Variants in EDN1 observed in about 807,000 individuals in gnomAD.
EDN1 encodes endothelin 1.
EDN1 carries 11 observed loss-of-function variants against 21.7 expected under a neutral mutation model. That is an observed-to-expected ratio of 0.51 (90% CI 0.32 to 0.84). EDN1 has a LOEUF of 0.84. Ranked by LOEUF, EDN1 falls within the 40% of genes least tolerant of loss-of-function variation. The pLI is 0.03. For missense variants in EDN1, 244 were observed against 262.3 expected, an observed-to-expected ratio of 0.93 and a Z score of 0.48; for synonymous variants, 85 against 90.6, an observed-to-expected ratio of 0.94 and a Z score of 0.35.
upstream of EDN1, among the ~76,000 whole-genome samples, chr6:12,286,786 A>G (rs185611622): frequency 0.065 from 9,886 of 152,238 alleles, 410 homozygotes; most frequent in African/African-American, 0.13. Flanking sequence ...AAATAGTTTT[A>G]TCAAATACTT....
chr6:12,280,524 T>C, the EDN1 span, among the ~76,000 whole-genome samples: 3 of 152,364 alleles, frequency 2.0e-5, no homozygotes, highest in South Asian at 2.1e-4. Flanking sequence ...TAAGACACTT[T>C]AGTGTGCTGC....
the EDN1 span, among the ~76,000 whole-genome samples, chr6:12,239,989 G>T: frequency 3.3e-5 from 5 of 152,006 alleles, no homozygotes; most frequent in East Asian, 1.9e-4. Flanking sequence ...GAGAGGATTT[G>T]GTGGAACAGA....
Position 12,294,067 on chromosome 6 carries a change from G to A in EDN1, c.360G>A (p.Trp120Ter). 1.2e-6 allele frequency: 2 copies of A among 1,614,162 alleles called. No individual in the cohort carries two copies. Among genetic ancestry groups the A allele is most frequent in the Non-Finnish European group, 1.7e-6 (2 of 1,180,038 alleles). Reference sequence around the variant, plus strand: ...CTAGCCAAAAAGACAAGAAGTGCTGGAATTTTTGCCAAGCAGGAAAAGAAC... The same window carrying A: ...CTAGCCAAAAAGACAAGAAGTGCTGAAATTTTTGCCAAGCAGGAAAAGAAC... ...QCASQKDKKCWNFCQAGKELR... is the reference protein window; with the variant it reads ...QCASQKDKKC Residue 120 changes from tryptophan to a stop codon, truncating the protein, a stop_gained, in exon 3 of 5, where the codon TGG becomes TGA. Transcript: ENST00000379375. LOFTEE classifies it high-confidence loss of function.
chr6:12,291,714 C>G (rs996274980), intron 1 of EDN1, among the ~76,000 whole-genome samples: 1 of 152,198 alleles, frequency 6.6e-6, no homozygotes, highest in Admixed American at 6.5e-5. Flanking sequence ...CTTCTCAGCC[C>G]CACCTTAGGT....
At chr6:12,236,708 T>TA in the EDN1 span, among the ~76,000 whole-genome samples, 2 of 152,026 alleles carry the variant, frequency 1.3e-5, no homozygotes, top group African/African-American at 4.8e-5. Flanking sequence ...ATAAATCTCT[T>TA]ATCCTGAGTA....
At chr6:12,251,130 A>G in the EDN1 span, among the ~76,000 whole-genome samples, 6 of 152,242 alleles carry the variant, frequency 3.9e-5, no homozygotes, top group African/African-American at 1.4e-4. Flanking sequence ...CACAACACTC[A>G]TTCATAACTG....
At chr6:12,282,943 A>G in the EDN1 span, among the ~76,000 whole-genome samples, 1 of 152,218 alleles carries the variant, frequency 6.6e-6, no homozygotes, top group Admixed American at 6.5e-5. Context: ...GCTAAATAAT[A>G]TTAACACAAT....
At chr6:12,230,588 T>C in the EDN1 span, among the ~76,000 whole-genome samples, 3 of 152,072 alleles carry the variant, frequency 2.0e-5, no homozygotes, top group African/African-American at 7.2e-5. Context: ...GTGAAGAACG[T>C]GGTACAAAAT....
the EDN1 span, among the ~76,000 whole-genome samples, chr6:12,247,685 T>C: frequency 6.6e-6 from 1 of 151,644 alleles, no homozygotes; most frequent in East Asian, 1.9e-4. Flanking sequence ...ATTACAGACA[T>C]GCGCCACCAC....
chr6:12,294,227 T>C (rs1330218212), intron 3 of EDN1, 34 bp from the exon 4 acceptor site: 2 of 1,613,920 alleles, frequency 1.2e-6, no homozygotes, highest in East Asian at 2.2e-5. Context: ...GAATATAACA[T>C]TGCTGAAATG....
the EDN1 span, among the ~76,000 whole-genome samples, chr6:12,282,678 T>G: frequency 6.6e-6 from 1 of 152,186 alleles, no homozygotes; most frequent in Non-Finnish European, 1.5e-5. Context: ...AACCTTATCT[T>G]GAGCTATAAG....
At chr6:12,247,536 C>CTTTTTTTTTTT in the EDN1 span, among the ~76,000 whole-genome samples, 4 of 97,748 alleles carry the variant, frequency 4.1e-5, no homozygotes, top group Non-Finnish European at 7.9e-5. Context: ...TTCTTTCTTT[C>CTTTTTTTTTTT]TTTTTTTTTT....
At chr6:12,247,255 T>C in the EDN1 span, among the ~76,000 whole-genome samples, 1 of 151,730 alleles carries the variant, frequency 6.6e-6, no homozygotes, top group Admixed American at 6.6e-5. Context: ...ACCCACTAAC[T>C]AGAAGTTTGC....
chr6:12,270,944 T>A, the EDN1 span, among the ~76,000 whole-genome samples: 14 of 152,172 alleles, frequency 9.2e-5, no homozygotes, highest in African/African-American at 2.9e-4. Context: ...CTTTACGCAT[T>A]TGGGTGCTCA....
chr6:12,276,161 CAAAAAAAAAAA>C, the EDN1 span, among the ~76,000 whole-genome samples: 1 of 68,618 alleles, frequency 1.5e-5, no homozygotes, highest in Middle Eastern at 9.6e-3. Flanking sequence ...GACTCCATCT[CAAAAAAAAAAA>C]AAAAAAAAAA....
chr6:12,292,866 A>T (rs938719755), intron 2 of EDN1, among the ~76,000 whole-genome samples: 2 of 152,172 alleles, frequency 1.3e-5, no homozygotes, highest in Non-Finnish European at 2.9e-5. Context: ...GGGTTAGTGC[A>T]ACCTGTGCTT....
At chr6:12,292,545 C>T in intron 2 of EDN1, 36 bp downstream of exon 2, 2 of 1,613,008 alleles carry the variant, frequency 1.2e-6, no homozygotes, top group Non-Finnish European at 1.7e-6. Context: ...CCTAGTCATT[C>T]ATTAGCGCTG....
upstream of EDN1, among the ~76,000 whole-genome samples, chr6:12,287,620 CT>C: frequency 6.6e-6 from 1 of 151,966 alleles, no homozygotes; most frequent in Non-Finnish European, 1.5e-5. Context: ...CCCCTCGCCC[CT>C]GACACACAAA....
the EDN1 span, among the ~76,000 whole-genome samples, chr6:12,233,627 G>A: frequency 1.1e-4 from 17 of 152,164 alleles, no homozygotes; most frequent in Admixed American, 1.1e-3. Flanking sequence ...CAAGATTGCT[G>A]CTGATGATGT....
Sources: gnomAD v4.1 joint callset for allele counts (sites outside exome capture counted in the v4.1 genomes callset) on GRCh38, gnomAD v4.1.1 for gene constraint, MANE v1.5 for transcripts, NCBI Gene and HGNC (gene_info 2026-07-23, HGNC 2026-07-21) for gene names.